ADAMTSL3: variants seen among roughly 807,000 people sequenced by gnomAD.
The protein encoded by ADAMTSL3 is ADAMTS like 3, also known as ADAMTS-like protein 3.
A neutral mutation model predicts 201.7 loss-of-function variants in ADAMTSL3; 128 were observed. That is an observed-to-expected ratio of 0.63 (90% CI 0.55 to 0.73). The LOEUF (loss-of-function observed/expected upper bound fraction) is 0.73, where lower values mean the gene tolerates loss of function less well. ADAMTSL3 is among the 30% of genes least tolerant of loss of function. ADAMTSL3 has a pLI of 0.00. For missense variants in ADAMTSL3, 1,990 were observed against 2,119.6 expected (o/e 0.94, Z 1.20); for synonymous variants, 738 against 748.4 (o/e 0.99, Z 0.23).
At chr15:83,985,028 A>G (rs2067449650) in intron 21 of ADAMTSL3, among the ~76,000 whole-genome samples, 1 of 152,220 alleles carries the variant, frequency 6.6e-6, no homozygotes, top group Non-Finnish European at 1.5e-5. Context: ...TATTAATGAA[A>G]TGTTGGTACT....
intron 3 of ADAMTSL3, among the ~76,000 whole-genome samples, chr15:83,715,631 C>A (rs1596077461): frequency 6.6e-6 from 1 of 152,330 alleles, no homozygotes; most frequent in Admixed American, 6.5e-5. Flanking sequence ...CAGCCTGGCA[C>A]ACAGTAAATG....
At position 83,887,909 on chromosome 15, in the gene ADAMTSL3, T is replaced by A. The variant is rs77221493; in HGVS notation, c.1073-2200T>A. ...CTTGGCTCAAACATCTATTTTTTTT[T>A]AAATTTTATTTCTTTGTTCTTACAC... On this transcript the variant is annotated intron_variant, in intron 10 of 29. Transcript: ENST00000286744. 8.9e-3 allele frequency among the ~76,000 whole-genome samples: 1,359 copies of A among 152,324 alleles called. 18 individuals are homozygous for A. Among genetic ancestry groups the A allele is most frequent in the African/African-American group, 0.03 (1,227 of 41,568 alleles).
At chr15:83,770,382 C>T (rs964955767) in intron 3 of ADAMTSL3, among the ~76,000 whole-genome samples, 20 of 152,306 alleles carry the variant, frequency 1.3e-4, no homozygotes, top group Admixed American at 7.8e-4. Flanking sequence ...CAACAACATT[C>T]GTTCCTAGTC....
chr15:83,895,385 TG>T (rs2065591424), intron 13 of ADAMTSL3, among the ~76,000 whole-genome samples: 1 of 152,222 alleles, frequency 6.6e-6, no homozygotes, highest in African/African-American at 2.4e-5. Flanking sequence ...TGTTTTATGT[TG>T]GCTTTAGAGC....
intron 20 of ADAMTSL3, among the ~76,000 whole-genome samples, chr15:83,971,507 A>C (rs562642475): frequency 6.8e-6 from 1 of 147,190 alleles, no homozygotes; most frequent in Non-Finnish European, 1.5e-5. Flanking sequence ...CAGTGAGTCG[A>C]GATCGCACCA....
At position 83,739,037 on chromosome 15, in the gene ADAMTSL3, G is replaced by A. The variant is rs1365693233; in HGVS notation, c.190-34486G>A. Among the ~76,000 whole-genome samples, 5 of 151,264 alleles carry A rather than the reference G, an allele frequency of 3.3e-5. No homozygotes were observed. The East Asian group carries it at 9.7e-4, about 29-fold the overall frequency. ...AAACAAGAAACCAGACAAAAAATGTGGTCAAAGGAAAACAAAATAAAATAG... is the reference window on the plus strand; with the variant it reads ...AAACAAGAAACCAGACAAAAAATGTAGTCAAAGGAAAACAAAATAAAATAG... On this transcript the variant is annotated intron_variant, in intron 3 of 29. Coordinates refer to ENST00000286744, the MANE Select transcript of ADAMTSL3 (RefSeq NM_207517.3).
At chr15:83,969,874 C>T (rs2067160555) in intron 19 of ADAMTSL3, among the ~76,000 whole-genome samples, 1 of 152,152 alleles carries the variant, frequency 6.6e-6, no homozygotes, top group African/African-American at 2.4e-5. Context: ...GAAGGTAGAT[C>T]TTATGTGAAG....
rs5814168 is a variant in ADAMTSL3, at chr15:83,926,613, C to CT, written c.2117+2597dup. On this transcript the variant is annotated intron_variant, in intron 17 of 29. Coordinates refer to ENST00000286744, the MANE Select transcript of ADAMTSL3 (RefSeq NM_207517.3). ...TTTATTGTTTATATGACACTAACAA[C>CT]TTTTTTTTTTTTTTTTTGAGACGGA... Among the ~76,000 whole-genome samples the CT allele has an allele frequency of 3.3e-4, 39 of 119,998 alleles. No individual in the cohort carries two copies. In the South Asian group the frequency reaches 3.6e-3, roughly 11 times the overall value. 78.7% of individuals were successfully genotyped at this position (119,998 alleles called of 152,430 possible).
intron 16 of ADAMTSL3, among the ~76,000 whole-genome samples, chr15:83,914,502 C>T (rs2065993271): frequency 1.3e-5 from 2 of 152,214 alleles, no homozygotes; most frequent in South Asian, 4.1e-4. Context: ...TGGCAGTAAA[C>T]CCGGCTAAAG....
At chr15:83,724,331 CT>C (rs2062142436) in intron 3 of ADAMTSL3, among the ~76,000 whole-genome samples, 1 of 152,012 alleles carries the variant, frequency 6.6e-6, no homozygotes, top group African/African-American at 2.4e-5. Flanking sequence ...ATCTCCTGAC[CT>C]CTTGATCTGC....
At position 83,924,039 on chromosome 15, in the gene ADAMTSL3, T is replaced by A. The variant is rs765985694; in HGVS notation, c.2117+6T>A. Reference sequence around the variant, plus strand: ...ACAGAGCCCTGTCCCCCCAGGTATGTGCTGTCTTGTGTTCCTGGTATATAC... The same window carrying A: ...ACAGAGCCCTGTCCCCCCAGGTATGAGCTGTCTTGTGTTCCTGGTATATAC... On this transcript the variant is annotated splice_donor_region_variant and intron_variant, in intron 17 of 29. Transcript: ENST00000286744. 2 of 1,613,936 alleles carry A rather than the reference T, an allele frequency of 1.2e-6. No homozygotes were observed. The highest frequency in any genetic ancestry group is 1.7e-6 in the Non-Finnish European group (2 of 1,179,912).
intron 4 of ADAMTSL3, among the ~76,000 whole-genome samples, chr15:83,791,294 A>G (rs2063340777): frequency 6.6e-6 from 1 of 152,260 alleles, no homozygotes; most frequent in Non-Finnish European, 1.5e-5. Flanking sequence ...TTGATCAAAA[A>G]GAACAAATCC....
rs79382898 is a variant in ADAMTSL3 at position 83,737,178 on chromosome 15, G to A, written c.189+32670G>A. Reference sequence around the variant, plus strand: ...AGGTATAGGTCATGTTAGTGAATTGGAAAATTCAGCACAGTGTAAAAAGGC... The same window carrying A: ...AGGTATAGGTCATGTTAGTGAATTGAAAAATTCAGCACAGTGTAAAAAGGC... On this transcript the variant is annotated intron_variant, in intron 3 of 29. Coordinates refer to ENST00000286744, the MANE Select transcript of ADAMTSL3 (RefSeq NM_207517.3). Among the ~76,000 whole-genome samples, 719 of 152,302 alleles carry A rather than the reference G, an allele frequency of 4.7e-3. 10 individuals are homozygous for A. Among genetic ancestry groups the A allele is most frequent in the African/African-American group, 0.017 (693 of 41,562 alleles).
intron 23 of ADAMTSL3, among the ~76,000 whole-genome samples, chr15:84,007,384 G>T (rs2067914007): frequency 1.3e-5 from 2 of 152,134 alleles, no homozygotes; most frequent in Non-Finnish European, 2.9e-5. Context: ...GAACTTAAAT[G>T]ATTTAGTCAA....
chr15:83,983,524 C>T (rs568145867), intron 21 of ADAMTSL3, among the ~76,000 whole-genome samples, 180 bp downstream of exon 21: 1 of 152,100 alleles, frequency 6.6e-6, no homozygotes, highest in Non-Finnish European at 1.5e-5. Flanking sequence ...TTTTTAAATT[C>T]AACCGCCATA....
chr15:83,927,348 G>A (rs1244061215), intron 17 of ADAMTSL3, among the ~76,000 whole-genome samples: 2 of 151,734 alleles, frequency 1.3e-5, no homozygotes, highest in Admixed American at 6.6e-5. Context: ...AACTGACCTC[G>A]AGTGATCCGC....
chr15:83,732,166 A>G (rs749377994), intron 3 of ADAMTSL3, among the ~76,000 whole-genome samples: 3 of 152,114 alleles, frequency 2.0e-5, no homozygotes, highest in Non-Finnish European at 2.9e-5. Context: ...AGCTTTTACT[A>G]AAAGAGAATC....
At chr15:83,822,171 G>T (rs2141919554) in intron 6 of ADAMTSL3, among the ~76,000 whole-genome samples, 1 of 149,776 alleles carries the variant, frequency 6.7e-6, no homozygotes, top group South Asian at 2.1e-4. Flanking sequence ...TGGCCTGGCG[G>T]GGGCTGACCC....
intron 20 of ADAMTSL3, among the ~76,000 whole-genome samples, chr15:83,978,005 G>A (rs1278275841): frequency 7.2e-5 from 11 of 152,220 alleles, no homozygotes; most frequent in Admixed American, 3.3e-4. Context: ...CTATTGGGAG[G>A]AGTGGAAACC....
Sources: allele counts gnomAD v4.1 joint callset (sites outside exome capture counted in the v4.1 genomes callset), GRCh38; gene constraint gnomAD v4.1.1; transcripts MANE v1.5; gene names NCBI Gene and HGNC (gene_info 2026-07-23, HGNC 2026-07-21).